The following ITPR1 variants were observed in gnomAD, a reference collection of about 807,000 sequenced individuals.
The protein encoded by ITPR1 is inositol 1,4,5-trisphosphate-gated calcium channel ITPR1.
In ITPR1, 96 loss-of-function variants were observed where a neutral mutation model predicts 318.4. The observed-to-expected ratio is 0.30, with a 90% confidence interval of 0.26 to 0.36. The LOEUF (loss-of-function observed/expected upper bound fraction) is 0.36. Ranked by LOEUF, ITPR1 falls within the 10% of genes least tolerant of loss-of-function variation. The pLI is 1.00. For synonymous variants in ITPR1, 1,312 were observed against 1,289.9 expected, an observed-to-expected ratio of 1.02 and a Z score of -0.37; for missense variants, 2,440 against 3,460.2, an observed-to-expected ratio of 0.71 and a Z score of 7.40.
intron 5 of ITPR1, among the ~76,000 whole-genome samples, chr3:4,638,966 C>CA (rs2093271963): frequency 6.6e-6 from 1 of 152,136 alleles, no homozygotes. Context: ...TTCAAGTTCA[C>CA]AAAACCACAA....
chr3:4,720,449 G>A (rs1363555967), intron 40 of ITPR1, among the ~76,000 whole-genome samples: 1 of 152,210 alleles, frequency 6.6e-6, no homozygotes, highest in Non-Finnish European at 1.5e-5. Context: ...GATAGTTCCA[G>A]CGAAGTACTC....
intron 54 of ITPR1, among the ~76,000 whole-genome samples, chr3:4,802,386 T>C (rs2048288789): frequency 6.6e-6 from 1 of 152,142 alleles, no homozygotes. Context: ...ATGCATTCAG[T>C]ATGGCTTGTT....
intron 4 of ITPR1, among the ~76,000 whole-genome samples, chr3:4,561,124 G>T (rs185726192): frequency 9.9e-5 from 15 of 152,280 alleles, no homozygotes; most frequent in Non-Finnish European, 1.8e-4. Context: ...TTTGCTAATT[G>T]TCTGTATGTA....
intron 55 of ITPR1, among the ~76,000 whole-genome samples, chr3:4,810,695 C>G (rs573786054): frequency 1.9e-4 from 29 of 152,316 alleles, no homozygotes; most frequent in Admixed American, 1.6e-3. Context: ...ACTCTACATC[C>G]TCCAGTCTGC....
intron 2 of ITPR1, among the ~76,000 whole-genome samples, chr3:4,508,694 C>A (rs1183501987): frequency 6.6e-6 from 1 of 152,010 alleles, no homozygotes; most frequent in East Asian, 1.9e-4. Context: ...TGTTTTAACA[C>A]CAGAGTGGAA....
intron 44 of ITPR1, among the ~76,000 whole-genome samples, chr3:4,747,400 G>C (rs968840841): frequency 6.6e-6 from 1 of 152,336 alleles, no homozygotes; most frequent in East Asian, 1.9e-4. Flanking sequence ...ACGTGAGTTT[G>C]TAACCTCTCT....
intron 37 of ITPR1, among the ~76,000 whole-genome samples, chr3:4,708,303 C>G (rs564430473): frequency 3.9e-5 from 6 of 152,176 alleles, no homozygotes; most frequent in Admixed American, 6.5e-5. Flanking sequence ...AAGGGAGAGT[C>G]GTATTAGATG....
chr3:4,610,275 G>T (rs1215611207), intron 4 of ITPR1, among the ~76,000 whole-genome samples: 1 of 152,140 alleles, frequency 6.6e-6, no homozygotes, highest in Non-Finnish European at 1.5e-5. Context: ...GGAGTTTCCT[G>T]TTGGTTCCTC....
chr3:4,791,798 G>C (rs776904395), intron 52 of ITPR1, among the ~76,000 whole-genome samples: 4 of 152,218 alleles, frequency 2.6e-5, no homozygotes, highest in African/African-American at 4.8e-5. Context: ...TCAGAGAAAA[G>C]GTAGGATTTG....
intron 45 of ITPR1, among the ~76,000 whole-genome samples, chr3:4,767,983 G>T (rs79312160): frequency 6.6e-6 from 1 of 152,180 alleles, no homozygotes; most frequent in African/African-American, 2.4e-5. Flanking sequence ...CGAACCCAGC[G>T]TGTCTGGCCG....
At chr3:4,634,165 T>C (rs2093105023) in intron 5 of ITPR1, among the ~76,000 whole-genome samples, 2 of 152,150 alleles carry the variant, frequency 1.3e-5, no homozygotes, top group Non-Finnish European at 2.9e-5. Context: ...AATAGATATT[T>C]AAATTATCAG....
intron 12 of ITPR1, among the ~76,000 whole-genome samples, chr3:4,657,386 G>GTTGT (rs2093734449): frequency 7.5e-6 from 1 of 133,220 alleles, no homozygotes; most frequent in African/African-American, 3.1e-5. Flanking sequence ...TGTACCTAGA[G>GTTGT]TTTTTTTTTT....
chr3:4,647,815 T>C (rs533227665), intron 10 of ITPR1, among the ~76,000 whole-genome samples: 23 of 152,288 alleles, frequency 1.5e-4, no homozygotes, highest in Non-Finnish European at 3.2e-4. Context: ...AGTTTGCCCA[T>C]TTAAAAAAAT....
chr3:4,604,199 G>T (rs758293139), intron 4 of ITPR1, among the ~76,000 whole-genome samples: 5 of 152,102 alleles, frequency 3.3e-5, no homozygotes, highest in Non-Finnish European at 5.9e-5. Flanking sequence ...TAGGTGAGAG[G>T]CACATACATT....
At chr3:4,617,988 C>CAAAA (rs71053433) in intron 4 of ITPR1, among the ~76,000 whole-genome samples, 1 of 131,752 alleles carries the variant, frequency 7.6e-6, no homozygotes, top group Non-Finnish European at 1.7e-5. Flanking sequence ...GTGCGTATCT[C>CAAAA]AAAAAAAAAA....
At chr3:4,677,512 G>A (rs762047165) in intron 24 of ITPR1, among the ~76,000 whole-genome samples, 64 of 152,116 alleles carry the variant, frequency 4.2e-4, no homozygotes, top group Non-Finnish European at 7.1e-4. Context: ...CTTGGGAAAG[G>A]GTATCTGAGG....
Position 4,782,661 on chromosome 3 carries a change from T to C in ITPR1, c.6430T>C (p.Phe2144Leu), listed in dbSNP as rs1419066325. 1 of 1,604,468 alleles carries C rather than the reference T, an allele frequency of 6.2e-7. No individual in the cohort carries two copies. The highest frequency in any genetic ancestry group is 8.5e-7 in the Non-Finnish European group (1 of 1,174,890). Residue 2144 changes from phenylalanine to leucine, a missense_variant, in exon 50 of 62, where the codon TTT becomes CTT. Coordinates refer to ENST00000649015, the MANE Select transcript of ITPR1 (RefSeq NM_001378452.1). ...AGCCTACATGCAAGGTGAAGTGGAA[T>C]TTGAGGATGGAGAAAACGGTGAGGA... ...KKAYMQGEVE[F>L]EDGENGEDGA...
intron 30 of ITPR1, among the ~76,000 whole-genome samples, chr3:4,685,752 G>A (rs545084319): frequency 2.6e-4 from 40 of 152,298 alleles, no homozygotes; most frequent in African/African-American, 7.7e-4. Flanking sequence ...TCATTGATAC[G>A]TATTTGATTT....
At chr3:4,782,926 C>A (rs910988629) in intron 50 of ITPR1, among the ~76,000 whole-genome samples, 185 bp downstream of exon 50, 1 of 152,204 alleles carries the variant, frequency 6.6e-6, no homozygotes, top group Non-Finnish European at 1.5e-5. Flanking sequence ...CAGGACGTTT[C>A]CATTTTTCCA....
Sources: gnomAD v4.1 joint callset for allele counts (sites outside exome capture counted in the v4.1 genomes callset) on GRCh38, gnomAD v4.1.1 for gene constraint, MANE v1.5 for transcripts, NCBI Gene and HGNC (gene_info 2026-07-23, HGNC 2026-07-21) for gene names.